SMARCA2: variants seen among roughly 807,000 people sequenced by gnomAD.
The protein encoded by SMARCA2 is SWI/SNF related BAF chromatin remodeling complex subunit ATPase 2, also known as SWI/SNF-related matrix-associated actin-dependent regulator of chromatin subfamily A member 2.
SMARCA2 carries 61 observed loss-of-function variants against 199.8 expected under a neutral mutation model. The observed-to-expected ratio is 0.31, with a 90% CI of 0.25 to 0.38. The LOEUF is 0.38. Ranked by LOEUF, SMARCA2 falls within the 10% of genes least tolerant of loss-of-function variation. The pLI, the probability that SMARCA2 is intolerant of heterozygous loss-of-function variation, is 1.00. For missense variants in SMARCA2, 1,344 were observed against 2,012.2 expected (o/e 0.67, Z 6.35); for synonymous variants, 935 against 732.0 (o/e 1.28, Z -4.48).
intron 19 of SMARCA2, among the ~76,000 whole-genome samples, chr9:2,095,129 A>G (rs111236723): frequency 3.4e-4 from 52 of 150,938 alleles, no homozygotes; most frequent in African/African-American, 1.2e-3. Flanking sequence ...TCCGTCACCC[A>G]GGCTGGAGTG....
intron 27 of SMARCA2, among the ~76,000 whole-genome samples, chr9:2,125,882 C>T (rs1471145343): frequency 6.6e-6 from 1 of 152,210 alleles, no homozygotes; most frequent in Non-Finnish European, 1.5e-5. Flanking sequence ...TGTAGCTGAA[C>T]TTAACTTCTT....
chr9:2,145,612 C>G (rs1344627639), intron 27 of SMARCA2, among the ~76,000 whole-genome samples: 1 of 152,106 alleles, frequency 6.6e-6, no homozygotes, highest in African/African-American at 2.4e-5. Context: ...TAGAGTTTAT[C>G]CTTTAGTACT....
chr9:2,137,664 T>A (rs1824263649), intron 27 of SMARCA2, among the ~76,000 whole-genome samples: 1 of 152,204 alleles, frequency 6.6e-6, no homozygotes, highest in South Asian at 2.1e-4. Flanking sequence ...ATCTTACTGT[T>A]CCTCTCCACT....
At chr9:2,024,116 A>G (rs1003245779) in intron 1 of SMARCA2, among the ~76,000 whole-genome samples, 1 of 152,204 alleles carries the variant, frequency 6.6e-6, no homozygotes, top group African/African-American at 2.4e-5. Context: ...TTTGGTGAAG[A>G]GCAATTTAAG....
intron 23 of SMARCA2, among the ~76,000 whole-genome samples, chr9:2,106,591 C>G (rs529320587): frequency 6.6e-6 from 1 of 152,136 alleles, no homozygotes; most frequent in African/African-American, 2.4e-5. Context: ...CCAGCTGAAC[C>G]CCCTTCTGTC....
intron 27 of SMARCA2, among the ~76,000 whole-genome samples, chr9:2,157,307 T>G (rs1028617678): frequency 6.6e-6 from 1 of 152,198 alleles, no homozygotes; most frequent in Non-Finnish European, 1.5e-5. Flanking sequence ...CCTGTCTGAA[T>G]TTTGGAATCA....
intron 9 of SMARCA2, among the ~76,000 whole-genome samples, chr9:2,062,053 C>G (rs997408342): frequency 3.9e-5 from 6 of 152,058 alleles, no homozygotes; most frequent in African/African-American, 1.4e-4. Context: ...AGCTCCAATT[C>G]CTACCTTAAA....
At chr9:2,183,753 A>C (rs545638627) in intron 31 of SMARCA2, among the ~76,000 whole-genome samples, 3 of 152,342 alleles carry the variant, frequency 2.0e-5, no homozygotes, top group Admixed American at 6.5e-5. Flanking sequence ...GTTACTCAAG[A>C]CACTCTCCAA....
At chr9:2,083,810 C>T (rs369737192) in intron 16 of SMARCA2, among the ~76,000 whole-genome samples, 6 of 152,320 alleles carry the variant, frequency 3.9e-5, no homozygotes, top group South Asian at 4.1e-4. Flanking sequence ...TTCAGCAGAG[C>T]GGTGGGTTCT....
chr9:2,020,162 G>T (rs1449533193), intron 1 of SMARCA2, among the ~76,000 whole-genome samples: 6 of 152,190 alleles, frequency 3.9e-5, no homozygotes, highest in Non-Finnish European at 8.8e-5. Context: ...TGTATTTCTT[G>T]TGAACAGATG....
At chr9:2,172,512 C>T (rs982876378) in intron 29 of SMARCA2, among the ~76,000 whole-genome samples, 7 of 152,162 alleles carry the variant, frequency 4.6e-5, no homozygotes, top group African/African-American at 1.7e-4. Flanking sequence ...CAGTCCCCCT[C>T]TAGAGACTAC....
rs1454173762 is a variant in SMARCA2 at position 2,104,218 on chromosome 9, G to A, written c.3292+49G>A. On this transcript the variant is annotated intron_variant, in intron 23 of 33. Transcript: ENST00000349721. The surrounding 1 kb of genome is among the most constrained non-coding windows in gnomAD (Gnocchi z 4.0). The stretch of plus-strand genomic sequence containing the variant: ...CGGAAGCCATACTACTGAAAATGAA[G>A]GGATAATGGGCACTTAGGTCCAATC... 6.6e-7 allele frequency: 1 copy of A among 1,518,454 alleles called. No individual in the cohort carries two copies. The highest frequency in any genetic ancestry group is 1.8e-5 in the Admixed American group (1 of 56,874). 94.1% of individuals were successfully genotyped at this position (1,518,454 alleles called of 1,614,324 possible).
chr9:2,160,545 ATCAC>A, intron 27 of SMARCA2: 1 of 689,646 alleles, frequency 1.5e-6, no homozygotes, highest in Non-Finnish European at 2.6e-6. Flanking sequence ...CTGAGCTGTA[ATCAC>A]TCTTTATATT....
chr9:2,091,369 T>C (rs1822054512), intron 19 of SMARCA2, among the ~76,000 whole-genome samples: 1 of 152,204 alleles, frequency 6.6e-6, no homozygotes, highest in South Asian at 2.1e-4. Context: ...AATAAGACAA[T>C]GTATAACCTT....
chr9:2,055,462 G>A (rs1820310013), intron 6 of SMARCA2: 1 of 152,214 alleles, frequency 6.6e-6, no homozygotes, highest in Admixed American at 6.6e-5. Flanking sequence ...TAACCCAAAG[G>A]GGATAAGGAA....
chr9:2,147,634 T>C (rs949300091), intron 27 of SMARCA2, among the ~76,000 whole-genome samples: 4 of 152,026 alleles, frequency 2.6e-5, no homozygotes, highest in Non-Finnish European at 5.9e-5. Context: ...TCAGCTGAGG[T>C]CAGGAGTTCG....
chr9:2,190,149 C>A (rs2129990339), intron 32 of SMARCA2, among the ~76,000 whole-genome samples: 1 of 152,282 alleles, frequency 6.6e-6, no homozygotes, highest in Admixed American at 6.5e-5. Flanking sequence ...GATATTGTAC[C>A]TTGAACTCTT....
chr9:2,179,392 A>T (rs1365193741), intron 29 of SMARCA2, among the ~76,000 whole-genome samples: 4 of 152,232 alleles, frequency 2.6e-5, no homozygotes, highest in Non-Finnish European at 5.9e-5. Context: ...AGAGGAAAAA[A>T]GAAAGTGGGA....
chr9:2,171,847 C>A (rs527373988), intron 29 of SMARCA2, among the ~76,000 whole-genome samples: 34 of 152,318 alleles, frequency 2.2e-4, no homozygotes, highest in African/African-American at 7.9e-4. Flanking sequence ...TTGCCCTCTT[C>A]CATCAAGATG....
Sources: allele counts gnomAD v4.1 joint callset (sites outside exome capture counted in the v4.1 genomes callset), GRCh38; gene constraint gnomAD v4.1.1; non-coding constraint Gnocchi (gnomAD v3.1); transcripts MANE v1.5; gene names NCBI Gene and HGNC (gene_info 2026-07-23, HGNC 2026-07-21).